Variants in RBFOX2 observed in about 807,000 individuals in gnomAD.
The protein encoded by RBFOX2 is RNA binding protein fox-1 homolog 2.
RBFOX2 carries 10 observed loss-of-function variants against 49.1 expected under a neutral mutation model. The ratio of observed to expected loss-of-function variants is 0.20; its 90% CI spans 0.13 to 0.35. The LOEUF is 0.35. RBFOX2 is among the 10% of genes least tolerant of loss of function. The probability of loss-of-function intolerance (pLI) is 1.00; values close to 1 mark genes in which losing one functional copy is unlikely to be tolerated. For missense variants in RBFOX2, 323 were observed against 486.9 expected (o/e 0.66, Z 3.17); for synonymous variants, 183 against 187.4 (o/e 0.98, Z 0.19).
intron 1 of RBFOX2, among the ~76,000 whole-genome samples, chr22:35,935,452 G>T (rs1387815310): frequency 6.6e-6 from 1 of 152,192 alleles, no homozygotes; most frequent in Non-Finnish European, 1.5e-5. Context: ...AAACATGCAA[G>T]AGGTGGCGGG....
intron 1 of RBFOX2, among the ~76,000 whole-genome samples, chr22:35,814,745 A>G (rs1281834301): frequency 6.7e-6 from 1 of 149,774 alleles, no homozygotes; most frequent in East Asian, 2.0e-4. Context: ...AAGAAAAGAA[A>G]AGAAAAAAGT....
chr22:35,956,349 A>G (rs1448975196), intron 1 of RBFOX2, among the ~76,000 whole-genome samples: 2 of 151,946 alleles, frequency 1.3e-5, no homozygotes, highest in African/African-American at 4.8e-5. Context: ...CCTTAAAATG[A>G]CAGGCTTGCT....
At chr22:35,809,735 T>C (rs368759256) in intron 2 of RBFOX2, 45 bp downstream of exon 3, 1 of 1,576,072 alleles carries the variant, frequency 6.3e-7, no homozygotes, top group African/African-American at 1.3e-5. Context: ...AATTTCTATA[T>C]GATTGCCATG....
chr22:35,928,545 C>T (rs1161723280), intron 1 of RBFOX2, among the ~76,000 whole-genome samples: 2 of 152,280 alleles, frequency 1.3e-5, no homozygotes, highest in East Asian at 3.9e-4. Flanking sequence ...GAGGCAAATG[C>T]CTGTTTTCAT....
intron 1 of RBFOX2, among the ~76,000 whole-genome samples, chr22:35,902,729 T>C (rs554567028): frequency 3.6e-4 from 54 of 151,838 alleles, no homozygotes; most frequent in African/African-American, 1.2e-3. Flanking sequence ...ACTGCAGCCT[T>C]GACCTCCCGG....
At chr22:35,878,850 C>T (rs577578642) in intron 1 of RBFOX2, among the ~76,000 whole-genome samples, 13 of 152,320 alleles carry the variant, frequency 8.5e-5, no homozygotes, top group Admixed American at 2.0e-4. Flanking sequence ...CCTGCCTCAG[C>T]CTCCAGAGTG....
chr22:35,917,507 T>C (rs757891941), intron 1 of RBFOX2, among the ~76,000 whole-genome samples: 2 of 152,138 alleles, frequency 1.3e-5, no homozygotes, highest in African/African-American at 2.4e-5. Context: ...AGGCATAGAG[T>C]TGACAACCAT....
intron 1 of RBFOX2, among the ~76,000 whole-genome samples, chr22:35,818,294 G>A (rs1398580366): frequency 6.6e-6 from 1 of 152,102 alleles, no homozygotes; most frequent in Non-Finnish European, 1.5e-5. Flanking sequence ...CTGCTTCTTT[G>A]GAAATGGAAG....
exon 11 of RBFOX2, chr22:35,745,964 G>T (rs999694830): frequency 6.2e-7 from 1 of 1,614,088 alleles, no homozygotes; most frequent in Non-Finnish European, 8.5e-7. Context: ...GCAAGGGCAT[G>T]GTAGGGGTCG....
upstream of RBFOX2, among the ~76,000 whole-genome samples, chr22:35,943,580 A>C (rs986864634): frequency 1.1e-4 from 17 of 152,162 alleles, no homozygotes; most frequent in Non-Finnish European, 2.4e-4. Flanking sequence ...TGCAACAGAA[A>C]AATCCTTAAG....
chr22:35,953,234 A>G (rs1603457396), intron 1 of RBFOX2, among the ~76,000 whole-genome samples: 1 of 150,532 alleles, frequency 6.6e-6, no homozygotes, highest in Non-Finnish European at 1.5e-5. Flanking sequence ...AAAAAAAAAA[A>G]GCCAAAGGAT....
intron 3 of RBFOX2, 102 bp downstream of exon 4, chr22:35,781,498 C>CT: frequency 7.1e-7 from 1 of 1,415,820 alleles, no homozygotes. Flanking sequence ...TTCTTTCAAT[C>CT]TATTTGTAGT....
At chr22:35,976,784 G>A (rs1446048082) in intron 1 of RBFOX2, among the ~76,000 whole-genome samples, 1 of 152,086 alleles carries the variant, frequency 6.6e-6, no homozygotes, top group African/African-American at 2.4e-5. Context: ...CCAACATGGC[G>A]AAACCTCGCC....
At chr22:35,804,056 G>T (rs1390216644) in intron 2 of RBFOX2, among the ~76,000 whole-genome samples, 1 of 152,182 alleles carries the variant, frequency 6.6e-6, no homozygotes, top group African/African-American at 2.4e-5. Flanking sequence ...GAGGCAGGCA[G>T]ATCATGAGGT....
At chr22:36,022,203 T>C (rs1425266590) in intron 1 of RBFOX2, among the ~76,000 whole-genome samples, 1 of 152,246 alleles carries the variant, frequency 6.6e-6, no homozygotes, top group African/African-American at 2.4e-5. Flanking sequence ...GCCTGAGAGA[T>C]GTTAAACTAG....
intron 1 of RBFOX2, among the ~76,000 whole-genome samples, chr22:35,837,024 G>A (rs550241310): frequency 1.1e-4 from 17 of 152,230 alleles, no homozygotes; most frequent in East Asian, 3.9e-4. Context: ...TAAAATTAAC[G>A]TTTTAAGTAT....
At chr22:35,874,877 CT>C (rs1236892804) in intron 1 of RBFOX2, among the ~76,000 whole-genome samples, 1 of 152,182 alleles carries the variant, frequency 6.6e-6, no homozygotes, top group African/African-American at 2.4e-5. Context: ...CTGCCCACCC[CT>C]GTACCTGTAT....
chr22:35,952,875 C>G (rs914805106), intron 1 of RBFOX2, among the ~76,000 whole-genome samples: 4 of 152,074 alleles, frequency 2.6e-5, no homozygotes, highest in African/African-American at 9.7e-5. Flanking sequence ...GTACTCAAAA[C>G]CAATACTTGT....
chr22:35,982,378 C>T (rs191404551), intron 1 of RBFOX2, among the ~76,000 whole-genome samples: 1 of 152,186 alleles, frequency 6.6e-6, no homozygotes, highest in South Asian at 2.1e-4. Flanking sequence ...CTCCTCCCCC[C>T]ATCTCCCCAT....
Sources: allele counts gnomAD v4.1 joint callset (sites outside exome capture counted in the v4.1 genomes callset), GRCh38; gene constraint gnomAD v4.1.1; transcripts MANE v1.5; gene names NCBI Gene and HGNC (gene_info 2026-07-23, HGNC 2026-07-21).